Variants in TIMD4 observed in about 807,000 individuals in gnomAD.
The protein encoded by TIMD4 is T cell immunoglobulin and mucin domain containing 4.
TIMD4 carries 31 observed loss-of-function variants against 41.2 expected under a neutral mutation model. The ratio of observed to expected loss-of-function variants is 0.75; its 90% CI spans 0.57 to 1.01. TIMD4 has a LOEUF of 1.01. Among genes scored for constraint, TIMD4 ranks in the 50% least tolerant of loss-of-function variants. TIMD4 has a pLI of 0.00. For missense variants in TIMD4, 479 were observed against 472.5 expected, an observed-to-expected ratio of 1.01 and a Z score of -0.13; for synonymous variants, 204 against 177.1, an observed-to-expected ratio of 1.15 and a Z score of -1.21.
intron 5 of TIMD4, among the ~76,000 whole-genome samples, chr5:156,929,737 C>T (rs1163663077): frequency 3.3e-5 from 5 of 152,232 alleles, no homozygotes; most frequent in African/African-American, 4.8e-5. Context: ...TGAAAATTTC[C>T]GTGGTTTTAA....
chr5:156,932,038 T>C (rs116359365), intron 5 of TIMD4, among the ~76,000 whole-genome samples: 1,787 of 152,254 alleles, frequency 0.012, 49 homozygotes, highest in African/African-American at 0.041. Flanking sequence ...GGAATGAGTA[T>C]GCAAATACTT....
intron 7 of TIMD4, among the ~76,000 whole-genome samples, chr5:156,921,307 C>T (rs1039427335): frequency 6.6e-6 from 1 of 151,934 alleles, no homozygotes; most frequent in Admixed American, 6.6e-5. Flanking sequence ...AGAAAGCTTG[C>T]TTTTAGGGAA....
At chr5:156,923,061 T>A (rs1759278468) in intron 6 of TIMD4, among the ~76,000 whole-genome samples, 2 of 152,136 alleles carry the variant, frequency 1.3e-5, no homozygotes, top group South Asian at 4.1e-4. Flanking sequence ...TTTAAACTTT[T>A]TTTTTTTAAT....
At chr5:156,954,838 C>T in intron 1 of TIMD4, 82 bp from the exon 2 acceptor site, 1 of 1,165,714 alleles carries the variant, frequency 8.6e-7, no homozygotes, top group Non-Finnish European at 1.2e-6. Context: ...CTAATAGATG[C>T]TTCCAGGAAG....
At chr5:156,927,505 C>G (rs574083793) in intron 5 of TIMD4, among the ~76,000 whole-genome samples, 1 of 152,246 alleles carries the variant, frequency 6.6e-6, no homozygotes, top group African/African-American at 2.4e-5. Context: ...TGGTAAGTCT[C>G]CATTGGATTC....
intron 2 of TIMD4, 77 bp from the exon 3 acceptor site, chr5:156,951,867 C>A: frequency 1.9e-6 from 3 of 1,576,750 alleles, no homozygotes; most frequent in South Asian, 2.4e-5. Context: ...TATCTGGGAC[C>A]CATCCATTTC....
chr5:156,936,129 C>T (rs1168746131), intron 5 of TIMD4, among the ~76,000 whole-genome samples: 1 of 152,140 alleles, frequency 6.6e-6, no homozygotes, highest in Non-Finnish European at 1.5e-5. Flanking sequence ...GTCCCAGCTA[C>T]TCAGGAGGCT....
intron 6 of TIMD4, among the ~76,000 whole-genome samples, chr5:156,922,441 A>AT (rs1759261471): frequency 1.3e-5 from 2 of 152,234 alleles, no homozygotes; most frequent in Admixed American, 1.3e-4. Flanking sequence ...GGGTCTGAGG[A>AT]TAAAAAATAA....
intron 5 of TIMD4, among the ~76,000 whole-genome samples, chr5:156,933,459 C>G (rs575897739): frequency 1.3e-5 from 2 of 148,618 alleles, no homozygotes; most frequent in South Asian, 2.2e-4. Flanking sequence ...GCCCCCCAAC[C>G]CCCCCCCAAA....
At chr5:156,926,438 T>C in intron 5 of TIMD4, 126 bp from the exon 6 acceptor site, 1 of 909,934 alleles carries the variant, frequency 1.1e-6, no homozygotes, top group Admixed American at 2.4e-5. Context: ...TAATCCCGTG[T>C]TTTTTGTATA....
chr5:156,950,884 G>A (rs1045448605), intron 3 of TIMD4, among the ~76,000 whole-genome samples: 1 of 152,080 alleles, frequency 6.6e-6, no homozygotes, highest in African/African-American at 2.4e-5. Context: ...TCTCTTGCAA[G>A]ACTCCTTAGA....
At position 156,922,649 on chromosome 5, in the gene TIMD4, G is replaced by A. The variant is rs528098799; in HGVS notation, c.895-433C>T. On this transcript the variant is annotated intron_variant, in intron 6 of 8. Transcript: ENST00000274532. ...CAAAGTCTAGATGGGGGGCCCATGA[G>A]ATCAAAATGATTTTCATGAGACATT... 4.6e-5 allele frequency among the ~76,000 whole-genome samples: 7 copies of A among 152,206 alleles called. No homozygotes were observed. In the South Asian group the frequency reaches 1.2e-3, roughly 27 times the overall value.
At chr5:156,951,156 A>G (rs1323021644) in intron 3 of TIMD4, among the ~76,000 whole-genome samples, 1 of 152,122 alleles carries the variant, frequency 6.6e-6, no homozygotes, top group Admixed American at 6.5e-5. Flanking sequence ...TTAAGGTAAA[A>G]TGAGGTCATA....
rs751002217 is a variant in TIMD4 at position 156,919,444 on chromosome 5, T to C, written c.*13A>G. The C allele has an allele frequency of 2.5e-6, 4 of 1,609,788 alleles. No homozygotes were observed. The highest frequency in any genetic ancestry group is 2.6e-6 in the Non-Finnish European group (3 of 1,176,088). On this transcript the variant is annotated 3_prime_UTR_variant, in exon 9 of 9. Coordinates refer to ENST00000274532, the MANE Select transcript of TIMD4 (RefSeq NM_138379.3). ...TCATGCCCCCATCCTCAATCTAACA[T>C]GCTACTGCGTTGTTAGAGGGTAAAA...
At chr5:156,961,579 G>A (rs549327327) in intron 1 of TIMD4, among the ~76,000 whole-genome samples, 27 of 152,016 alleles carry the variant, frequency 1.8e-4, no homozygotes, top group African/African-American at 6.3e-4. Flanking sequence ...GAGGTGAGTG[G>A]ATCGCCTGAG....
Position 156,949,704 on chromosome 5 carries a change from G to A in TIMD4, c.707C>T (p.Ser236Phe), listed in dbSNP as rs376949831. The stretch of plus-strand genomic sequence containing the variant: ...AGAAGTAGACTCAACACTACTCCAG[G>A]AATCACTGGGGAGGACAGTTTCTGA... ...AESETVLPSD[S>F]WSSVESTSAD... The change falls in exon 4 of 9, where the codon TCC (serine) becomes TTC (phenylalanine). Residue 236 changes from serine to phenylalanine, a missense_variant. Physicochemically the swap from Ser to Phe is radical, Grantham distance 155 (BLOSUM62 -2). Coordinates refer to ENST00000274532, the MANE Select transcript of TIMD4 (RefSeq NM_138379.3). 1.1e-4 allele frequency: 176 copies of A among 1,613,414 alleles called. 1 individual carries two copies. Among genetic ancestry groups the A allele is most frequent in the South Asian group, 1.0e-3 (92 of 91,050 alleles).
At chr5:156,959,851 C>A (rs1760045654) in intron 1 of TIMD4, among the ~76,000 whole-genome samples, 1 of 151,974 alleles carries the variant, frequency 6.6e-6, no homozygotes, top group Non-Finnish European at 1.5e-5. Flanking sequence ...ACCAGCCTGG[C>A]CAAATATGGT....
At chr5:156,937,136 G>C (rs1293040132) in intron 5 of TIMD4, among the ~76,000 whole-genome samples, 1 of 152,026 alleles carries the variant, frequency 6.6e-6, no homozygotes, top group Non-Finnish European at 1.5e-5. Flanking sequence ...AAGTAAACTT[G>C]GGCAGACTTA....
chr5:156,927,005 G>T (rs1296338729), intron 5 of TIMD4, among the ~76,000 whole-genome samples: 12 of 152,180 alleles, frequency 7.9e-5, no homozygotes. Flanking sequence ...TGAGACTGCG[G>T]CATGGCCCCT....
Sources: allele counts gnomAD v4.1 joint callset (sites outside exome capture counted in the v4.1 genomes callset), GRCh38; gene constraint gnomAD v4.1.1; transcripts MANE v1.5; gene names NCBI Gene and HGNC (gene_info 2026-07-23, HGNC 2026-07-21).